The following CTNNA3 variants were observed in gnomAD, a reference collection of about 807,000 sequenced individuals.
CTNNA3 encodes the protein catenin alpha 3, also known as catenin alpha-3.
Under a neutral mutation model 95.7 loss-of-function variants are expected in CTNNA3, and 76 were observed. The ratio of observed to expected loss-of-function variants is 0.79; its 90% CI spans 0.66 to 0.96. The LOEUF (loss-of-function observed/expected upper bound fraction) is 0.96. CTNNA3 is among the 40% of genes least tolerant of loss of function. The pLI, the probability that CTNNA3 is intolerant of heterozygous loss-of-function variation, is 0.00. For synonymous variants in CTNNA3, 431 were observed against 374.4 expected (o/e 1.15, Z -1.74); for missense variants, 1,191 against 1,089.8 (o/e 1.09, Z -1.31).
At chr10:66,676,273 T>C (rs1230310629) in intron 9 of CTNNA3, among the ~76,000 whole-genome samples, 1 of 152,048 alleles carries the variant, frequency 6.6e-6, no homozygotes, top group African/African-American at 2.4e-5. Flanking sequence ...TATTCAACTT[T>C]ATGCAGTGAA....
intron 9 of CTNNA3, among the ~76,000 whole-genome samples, chr10:66,732,440 C>T (rs1250007183): frequency 1.3e-5 from 2 of 152,148 alleles, no homozygotes; most frequent in East Asian, 1.9e-4. Flanking sequence ...ACGACATTCT[C>T]GAGACTGGTT....
chr10:67,243,385 GA>G (rs1195677486), intron 5 of CTNNA3, among the ~76,000 whole-genome samples: 1 of 152,124 alleles, frequency 6.6e-6, no homozygotes, highest in Non-Finnish European at 1.5e-5. Context: ...AATAATTAGG[GA>G]TAAAATTAAG....
At chr10:66,206,489 G>T (rs1310923432) in intron 13 of CTNNA3, among the ~76,000 whole-genome samples, 1 of 151,778 alleles carries the variant, frequency 6.6e-6, no homozygotes, top group Non-Finnish European at 1.5e-5. Flanking sequence ...GTATTTCAGA[G>T]TGTTATCCTC....
At chr10:66,889,083 TA>T (rs1396467025) in intron 7 of CTNNA3, among the ~76,000 whole-genome samples, 1 of 152,148 alleles carries the variant, frequency 6.6e-6, no homozygotes, top group Non-Finnish European at 1.5e-5. Context: ...GGAAGAAACT[TA>T]AATGCATATT....
rs115561418 is a variant in CTNNA3, at chr10:66,303,952, C to T, written c.1733-23331G>A. ...CCTCAGTAGAGCAAAGGATATAAAA[C>T]CACAAACCTTGAAATTTTCTTTAAC... On this transcript the variant is annotated intron_variant, in intron 12 of 17. Coordinates refer to ENST00000433211, the MANE Select transcript of CTNNA3 (RefSeq NM_013266.4). Among the ~76,000 whole-genome samples, 248 of 152,080 alleles carry T rather than the reference C, an allele frequency of 1.6e-3. 2 individuals carry two copies. Among genetic ancestry groups the T allele is most frequent in the African/African-American group, 5.7e-3 (238 of 41,466 alleles).
intron 12 of CTNNA3, among the ~76,000 whole-genome samples, chr10:66,356,834 T>C (rs2092614768): frequency 6.6e-6 from 1 of 152,086 alleles, no homozygotes; most frequent in African/African-American, 2.4e-5. Flanking sequence ...TGGAAGTTCG[T>C]TGAATGCTTT....
intron 15 of CTNNA3, among the ~76,000 whole-genome samples, chr10:66,055,627 T>G (rs1055678642): frequency 3.3e-5 from 5 of 152,134 alleles, no homozygotes; most frequent in African/African-American, 9.7e-5. Flanking sequence ...TTTAGTTTTT[T>G]TAAGATAAAA....
chr10:66,094,072 A>T (rs1454496805), intron 14 of CTNNA3, among the ~76,000 whole-genome samples: 1 of 152,114 alleles, frequency 6.6e-6, no homozygotes, highest in East Asian at 1.9e-4. Context: ...ATGTAATGGA[A>T]GATTATTGGA....
chr10:65,982,410 TA>T (rs1440608509), intron 16 of CTNNA3, among the ~76,000 whole-genome samples: 5 of 151,284 alleles, frequency 3.3e-5, no homozygotes, highest in Non-Finnish European at 7.4e-5. Context: ...ATTGGGAATG[TA>T]AACTAGTACA....
chr10:65,920,644 C>A (rs754712086), intron 17 of CTNNA3, 27 bp from the exon 18 acceptor site: 13 of 1,597,046 alleles, frequency 8.1e-6, no homozygotes, highest in Middle Eastern at 1.7e-4. Flanking sequence ...GAAAAAAGAG[C>A]TATTATTCCA....
intron 7 of CTNNA3, among the ~76,000 whole-genome samples, chr10:66,882,205 G>A (rs1289882661): frequency 6.6e-6 from 1 of 152,008 alleles, no homozygotes; most frequent in Non-Finnish European, 1.5e-5. Context: ...ACGAAAGGGT[G>A]GAGACTTCAT....
chr10:67,634,725 CAAAG>C (rs1302127864), intron 2 of CTNNA3, among the ~76,000 whole-genome samples: 2 of 152,082 alleles, frequency 1.3e-5, no homozygotes, highest in African/African-American at 2.4e-5. Context: ...TCAAAAAAGA[CAAAG>C]AAGGGCATTA....
chr10:66,544,737 T>C (rs963848119), intron 10 of CTNNA3, among the ~76,000 whole-genome samples: 3 of 152,158 alleles, frequency 2.0e-5, no homozygotes, highest in Non-Finnish European at 4.4e-5. Context: ...GCCCACACTC[T>C]AGTAAACAAA....
intron 11 of CTNNA3, among the ~76,000 whole-genome samples, chr10:66,431,780 G>A (rs1184534345): frequency 6.7e-6 from 1 of 150,172 alleles, no homozygotes; most frequent in African/African-American, 2.4e-5. Context: ...ATAGCATTAG[G>A]AGATACACCT....
intron 9 of CTNNA3, among the ~76,000 whole-genome samples, chr10:66,637,396 G>T (rs773289269): frequency 2.0e-5 from 3 of 152,208 alleles, no homozygotes; most frequent in Non-Finnish European, 4.4e-5. Context: ...CTACATGGTT[G>T]CACCAGCCAG....
intron 5 of CTNNA3, among the ~76,000 whole-genome samples, chr10:67,509,112 G>T (rs1485015659): frequency 6.6e-6 from 1 of 151,978 alleles, no homozygotes; most frequent in Non-Finnish European, 1.5e-5. Flanking sequence ...TTGACCTCAG[G>T]TGATCTGCCT....
intron 6 of CTNNA3, among the ~76,000 whole-genome samples, chr10:67,209,296 G>A (rs1207093917): frequency 6.6e-6 from 1 of 152,074 alleles, no homozygotes; most frequent in Non-Finnish European, 1.5e-5. Context: ...TGATCCACCC[G>A]CCTTGGCCTC....
At chr10:67,027,907 A>C (rs1029950779) in intron 7 of CTNNA3, among the ~76,000 whole-genome samples, 2 of 152,164 alleles carry the variant, frequency 1.3e-5, no homozygotes, top group African/African-American at 4.8e-5. Context: ...AATGATGATG[A>C]TATCACTTTA....
chr10:67,147,427 T>C (rs1403433445), intron 7 of CTNNA3, among the ~76,000 whole-genome samples: 1 of 152,206 alleles, frequency 6.6e-6, no homozygotes, highest in African/African-American at 2.4e-5. Context: ...TGAGTAAATA[T>C]TCTATAAGTG....
Sources: gnomAD v4.1 joint callset for allele counts (sites outside exome capture counted in the v4.1 genomes callset) on GRCh38, gnomAD v4.1.1 for gene constraint, MANE v1.5 for transcripts, NCBI Gene and HGNC (gene_info 2026-07-23, HGNC 2026-07-21) for gene names.